Variants in KCNC3 observed in about 807,000 individuals in gnomAD.
KCNC3 encodes the protein voltage-gated potassium channel KCNC3.
A neutral mutation model predicts 43.9 loss-of-function variants in KCNC3; 22 were observed. That is an observed-to-expected ratio of 0.50 (90% CI 0.36 to 0.72). KCNC3 has a LOEUF of 0.72. KCNC3 is among the 30% of genes least tolerant of loss of function. KCNC3 has a pLI of 0.00. For missense variants in KCNC3, 829 were observed against 1,073.8 expected (o/e 0.77, Z 3.19); for synonymous variants, 492 against 488.0 (o/e 1.01, Z -0.11).
chr19:50,318,195 G>A (rs559925126), intron 4 of KCNC3, among the ~76,000 whole-genome samples: 36 of 151,152 alleles, frequency 2.4e-4, no homozygotes, highest in African/African-American at 7.5e-4. Flanking sequence ...TTTTGAGAGG[G>A]AGTCTCACTC....
At chr19:50,330,852 A>G (rs544026798), upstream of KCNC3, among the ~76,000 whole-genome samples, 13 of 151,528 alleles carry the variant, frequency 8.6e-5, no homozygotes, top group African/African-American at 2.9e-4. Context: ...GGGCGGTCGT[A>G]GGCTCCGAGA....
At chr19:50,325,346 T>G (rs999395645) in intron 1 of KCNC3, among the ~76,000 whole-genome samples, 1 of 151,996 alleles carries the variant, frequency 6.6e-6, no homozygotes, top group Non-Finnish European at 1.5e-5. Flanking sequence ...TTGCTATTAA[T>G]CAGGGGCACA....
chr19:50,325,767 C>CT (rs1229878545), intron 1 of KCNC3, among the ~76,000 whole-genome samples: 16 of 152,098 alleles, frequency 1.1e-4, no homozygotes, highest in African/African-American at 3.9e-4. Context: ...CCGCGGACAG[C>CT]TCCCCCGCCG....
At chr19:50,316,332 T>G (rs146968309) in intron 4 of KCNC3, among the ~76,000 whole-genome samples, 10 of 150,144 alleles carry the variant, frequency 6.7e-5, no homozygotes, top group Non-Finnish European at 1.2e-4. Flanking sequence ...GAGGGAGAGT[T>G]CTGGGGAGGA....
chr19:50,317,265 C>T (rs570304677), intron 4 of KCNC3, among the ~76,000 whole-genome samples: 2 of 152,130 alleles, frequency 1.3e-5, no homozygotes, highest in Middle Eastern at 3.4e-3. Flanking sequence ...GACAGTCCCC[C>T]CTCTGGACTA....
chr19:50,316,154 A>C (rs1040808636), intron 4 of KCNC3, 63 bp from the exon 5 acceptor site: 1 of 398,528 alleles, frequency 2.5e-6, no homozygotes, highest in Non-Finnish European at 4.6e-6. Flanking sequence ...AAACCCCCCA[A>C]CACAGCCTCA....
rs1292059230 is a variant in KCNC3 at position 50,312,478 on chromosome 19, C to A, written c.*3637G>T. 3 of 152,232 alleles carry A rather than the reference C, an allele frequency of 2.0e-5. No individual in the cohort carries two copies. 9.4% of individuals were successfully genotyped at this position (152,232 alleles called of 1,614,324 possible). On this transcript the variant is annotated 3_prime_UTR_variant, in exon 5 of 5. Coordinates refer to ENST00000477616, the MANE Select transcript of KCNC3 (RefSeq NM_004977.3). ...GTCATGCAGCGCATGCGTGTAGGTG[C>A]AGGCACCCTGGCGGCCGGGGGGAAA...
rs1568570611 is a variant in KCNC3 at position 50,320,633 on chromosome 19, G to A, written c.2130C>T (p.Leu710=). 6.2e-7 allele frequency: 1 copy of A among 1,613,088 alleles called. No individual in the cohort carries two copies. Among genetic ancestry groups the A allele is most frequent in the Admixed American group, 1.7e-5 (1 of 60,004 alleles). ...RYSRDRACFL[L]TDYAPSPDGS... ...CATCAGGGGAAGGGGCATAGTCGGTGAGGAGGAAGCAGGCTCGGTCCCGGC... is the reference window on the plus strand; with the variant it reads ...CATCAGGGGAAGGGGCATAGTCGGTAAGGAGGAAGCAGGCTCGGTCCCGGC... The change falls in exon 3 of 5, where the codon CTC becomes CTT. Residue 710 remains leucine, a synonymous_variant. Coordinates refer to ENST00000477616, the MANE Select transcript of KCNC3 (RefSeq NM_004977.3).
chr19:50,330,908 G>A (rs1033888659), upstream of KCNC3, among the ~76,000 whole-genome samples: 1 of 152,042 alleles, frequency 6.6e-6, no homozygotes, highest in Admixed American at 6.5e-5. Context: ...AGCGGCTGCG[G>A]CTGGGGCTGC....
intron 1 of KCNC3, 50 bp downstream of exon 1, chr19:50,328,163 G>T (rs894436361): frequency 2.4e-4 from 235 of 983,854 alleles, no homozygotes; most frequent in Non-Finnish European, 2.8e-4. Context: ...GACTGGGGGC[G>T]CCTGGAGAGG....
Position 50,325,447 on chromosome 19 carries a change from T to C in KCNC3, c.871-1365A>G, listed in dbSNP as rs2037090690. Among the ~76,000 whole-genome samples, 7 of 151,064 alleles carry C rather than the reference T, an allele frequency of 4.6e-5. 1 individual carries two copies. In the South Asian group the frequency reaches 1.5e-3, roughly 32 times the overall value. On this transcript the variant is annotated intron_variant, in intron 1 of 4. Coordinates refer to ENST00000477616, the MANE Select transcript of KCNC3 (RefSeq NM_004977.3). ...GCACTGTCCCTCTGTGCACCCCCCTTCCTCCACAGGGGTTGGGCTCTGGGC... is the reference window on the plus strand; with the variant it reads ...GCACTGTCCCTCTGTGCACCCCCCTCCCTCCACAGGGGTTGGGCTCTGGGC...
chr19:50,323,724 A>G lies in KCNC3; in HGVS notation c.1229T>C (p.Leu410Pro), dbSNP rs1601098675. The G allele has an allele frequency of 6.2e-7, 1 of 1,614,244 alleles. No individual in the cohort carries two copies. Among genetic ancestry groups the G allele is most frequent in the Non-Finnish European group, 8.5e-7 (1 of 1,180,040 alleles). ...GAAGCGGACCACCCGCAGGAAGCCC[A>G]GCACGTCTTTGGCGGCCTTGGAGCT... ...GLSSKAAKDVLGFLRVVRFVR... is the reference protein window; with the variant it reads ...GLSSKAAKDVPGFLRVVRFVR... Residue 410 changes from leucine to proline, a missense_variant, in exon 2 of 5, where the codon CTG becomes CCG. Leu to Pro is a moderately conservative substitution (Grantham distance 98). Coordinates refer to ENST00000477616, the MANE Select transcript of KCNC3 (RefSeq NM_004977.3).
At chr19:50,316,179 G>A (rs896824756) in intron 4 of KCNC3, 88 bp from the exon 5 acceptor site, 69 of 390,952 alleles carry the variant, frequency 1.8e-4, no homozygotes, top group Non-Finnish European at 3.0e-4. Flanking sequence ...TGGGGGGATG[G>A]AGAAACGCCG....
upstream of KCNC3, among the ~76,000 whole-genome samples, chr19:50,332,478 C>T (rs1485387874): frequency 1.3e-5 from 2 of 152,058 alleles, no homozygotes; most frequent in Non-Finnish European, 2.9e-5. This position sits in a 1 kb window ranked among gnomAD's most constrained non-coding sequence, Gnocchi z 5.8. Flanking sequence ...CAGGCTGGTC[C>T]GTCCACATTC....
At chr19:50,328,011 C>G (rs1157848901) in intron 1 of KCNC3, among the ~76,000 whole-genome samples, 1 of 142,698 alleles carries the variant, frequency 7.0e-6, no homozygotes, top group Non-Finnish European at 1.5e-5. Context: ...GTTGGAGATC[C>G]GTCTTTGGAG....
chr19:50,320,467 C>T, intron 3 of KCNC3, 118 bp from the exon 4 acceptor site: 3 of 838,808 alleles, frequency 3.6e-6, no homozygotes, highest in Non-Finnish European at 1.9e-6. Context: ...GGGAGGGAGG[C>T]AGTTTGGGGC....
intron 4 of KCNC3, among the ~76,000 whole-genome samples, chr19:50,319,478 G>A (rs144803487): frequency 6.6e-6 from 1 of 152,218 alleles, no homozygotes; most frequent in Admixed American, 6.5e-5. Context: ...TCCCTCCACA[G>A]TCTAGTCTCC....
chr19:50,320,749 G>C lies in KCNC3; in HGVS notation c.2014C>G (p.Leu672Val), dbSNP rs1200080378. 1.2e-6 allele frequency: 2 copies of C among 1,613,998 alleles called. No homozygotes were observed. The highest frequency in any genetic ancestry group is 8.5e-7 in the Non-Finnish European group (1 of 1,179,962). ...RPNGDPAAAA[L>V]AHEDCPAIDQ... ...ATGGCTGGGCAGTCCTCGTGGGCAAGCGCAGCTGCTGCCGGATCCCCATTG... is the reference window on the plus strand; with the variant it reads ...ATGGCTGGGCAGTCCTCGTGGGCAACCGCAGCTGCTGCCGGATCCCCATTG... Residue 672 changes from leucine (L) to valine (V), a missense_variant, in exon 3 of 5, where the codon CTT (leucine) becomes GTT (valine). Around this residue, in one of 7 missense-constraint regions of KCNC3, gnomAD observed 308 missense variants for 276.2 expected, o/e 1.11. Coordinates refer to ENST00000477616, the MANE Select transcript of KCNC3 (RefSeq NM_004977.3).
chr19:50,323,575 G>C lies in KCNC3; in HGVS notation c.1378C>G (p.Leu460Val). ...TAGTAAATCATGGTGGCGAAGATGA[G>C]CACCCCCAGGGCCAGGAAGATGATG... is the stretch of plus-strand genomic sequence containing the variant. ...LLIIFLALGV[L>V]IFATMIYYAE... is the part of the protein sequence containing the mutation. The change falls in exon 2 of 5, where the codon CTC becomes GTC. Residue 460 changes from leucine (L) to valine (V), a missense_variant. Coordinates refer to ENST00000477616, the MANE Select transcript of KCNC3 (RefSeq NM_004977.3). 6.2e-7 allele frequency: 1 copy of C among 1,614,250 alleles called. No homozygotes were observed. The highest frequency in any genetic ancestry group is 8.5e-7 in the Non-Finnish European group (1 of 1,180,046).
Sources: gnomAD v4.1 joint callset for allele counts (sites outside exome capture counted in the v4.1 genomes callset) on GRCh38, gnomAD v4.1.1 for gene constraint, gnomAD v4.1.1 regional missense constraint, Gnocchi (gnomAD v3.1) non-coding constraint, MANE v1.5 for transcripts, NCBI Gene and HGNC (gene_info 2026-07-23, HGNC 2026-07-21) for gene names.